Variants in CSMD3 observed in about 807,000 individuals in gnomAD.
CSMD3 encodes the protein CUB and Sushi multiple domains 3.
CSMD3 carries 177 observed loss-of-function variants against 435.2 expected under a neutral mutation model. The ratio of observed to expected loss-of-function variants is 0.41; its 90% CI spans 0.36 to 0.46. CSMD3 has a LOEUF of 0.46. Ranked by LOEUF, CSMD3 falls within the 20% of genes least tolerant of loss-of-function variation. The probability of loss-of-function intolerance (pLI) is 0.34; values close to 1 mark genes in which losing one functional copy is unlikely to be tolerated. For missense variants in CSMD3, 4,265 were observed against 4,504.6 expected, an observed-to-expected ratio of 0.95 and a Z score of 1.52; for synonymous variants, 1,656 against 1,520.5, an observed-to-expected ratio of 1.09 and a Z score of -2.07.
intron 9 of CSMD3, among the ~76,000 whole-genome samples, chr8:112,925,395 A>G (rs760630047): frequency 6.6e-6 from 1 of 151,832 alleles, no homozygotes; most frequent in Non-Finnish European, 1.5e-5. Flanking sequence ...CGTCTCTACT[A>G]AAAATAAAAA....
intron 5 of CSMD3, among the ~76,000 whole-genome samples, chr8:113,030,440 A>AT (rs1425204900): frequency 4.4e-4 from 66 of 149,518 alleles, no homozygotes; most frequent in African/African-American, 1.6e-3. Context: ...AAAAAAAAAA[A>AT]AAAAAGATAA....
chr8:112,378,269 G>GA (rs1280601732), intron 38 of CSMD3, among the ~76,000 whole-genome samples: 279 of 142,162 alleles, frequency 2.0e-3, no homozygotes, highest in Admixed American at 3.8e-3. Context: ...TTAAAAAAAA[G>GA]AAAAAAAAAA....
intron 6 of CSMD3, among the ~76,000 whole-genome samples, chr8:113,016,966 A>G (rs2086482577): frequency 6.6e-6 from 1 of 151,964 alleles, no homozygotes; most frequent in East Asian, 1.9e-4. Context: ...GCAATCAGAA[A>G]AAGCAAGCCT....
intron 24 of CSMD3, among the ~76,000 whole-genome samples, chr8:112,571,861 C>A (rs1233630456): frequency 2.1e-5 from 3 of 145,900 alleles, no homozygotes; most frequent in Non-Finnish European, 4.5e-5. Flanking sequence ...AAGACTGAAA[C>A]TCTGTCTCAA....
intron 7 of CSMD3, among the ~76,000 whole-genome samples, chr8:112,975,039 T>C (rs556798592): frequency 7.6e-4 from 115 of 152,032 alleles, no homozygotes; most frequent in African/African-American, 2.6e-3. Context: ...TATTTTATAC[T>C]ACATTGAATT....
intron 22 of CSMD3, among the ~76,000 whole-genome samples, chr8:112,625,219 G>A (rs1304972200): frequency 6.6e-6 from 1 of 151,996 alleles, no homozygotes; most frequent in East Asian, 1.9e-4. Flanking sequence ...TTTCTAAATT[G>A]AAAACTGGTA....
At chr8:112,738,298 C>G (rs1427926948) in intron 13 of CSMD3, among the ~76,000 whole-genome samples, 1 of 151,626 alleles carries the variant, frequency 6.6e-6, no homozygotes, top group Non-Finnish European at 1.5e-5. Flanking sequence ...GGTGGAATGT[C>G]AAAGACGCAG....
chr8:112,795,319 G>GA (rs563104855), intron 13 of CSMD3, among the ~76,000 whole-genome samples: 35 of 150,482 alleles, frequency 2.3e-4, no homozygotes, highest in African/African-American at 4.1e-4. Context: ...CCCAGTACTG[G>GA]AAAAAAAAAC....
chr8:112,392,112 A>G (rs1038099741), intron 35 of CSMD3, among the ~76,000 whole-genome samples: 1 of 152,194 alleles, frequency 6.6e-6, no homozygotes, highest in Non-Finnish European at 1.5e-5. Flanking sequence ...GAAAACAGTT[A>G]GAAATCAATA....
intron 30 of CSMD3, among the ~76,000 whole-genome samples, chr8:112,501,135 A>G (rs1479589703): frequency 1.3e-5 from 2 of 151,492 alleles, no homozygotes; most frequent in Non-Finnish European, 2.9e-5. Context: ...CTCTGCCCCT[A>G]AACTCACTCT....
At chr8:112,668,832 A>G (rs1244542154) in intron 16 of CSMD3, among the ~76,000 whole-genome samples, 3 of 151,986 alleles carry the variant, frequency 2.0e-5, no homozygotes, top group African/African-American at 7.2e-5. Flanking sequence ...ACTCTCGGGC[A>G]CATGAGAGGA....
In CSMD3 at chr8:112,263,667, G is replaced by A; in HGVS notation, c.9834C>T (p.Thr3278=). Residue 3278 remains threonine (T), a synonymous_variant, in exon 61 of 71, where the codon ACC becomes ACT. Transcript: ENST00000297405. ...PAVLTCVGNG[T]WSGEVPQCLP... is the part of the protein sequence containing the mutation. ...AGCACTGCGGTACTTCACCACTCCA[G>A]GTACCATTCCCTACACAGGTCAAAA... 2 of 1,613,468 alleles carry A rather than the reference G, an allele frequency of 1.2e-6. No homozygotes were observed. Among genetic ancestry groups the A allele is most frequent in the Non-Finnish European group, 1.7e-6 (2 of 1,179,680 alleles).
At chr8:112,864,788 C>A (rs2080929265) in intron 10 of CSMD3, among the ~76,000 whole-genome samples, 1 of 152,122 alleles carries the variant, frequency 6.6e-6, no homozygotes, top group South Asian at 2.1e-4. Context: ...AAAATGCTAA[C>A]ATCCTGATTT....
chr8:113,274,988 A>C (rs1002866805), intron 3 of CSMD3, among the ~76,000 whole-genome samples: 55 of 152,170 alleles, frequency 3.6e-4, no homozygotes, highest in Admixed American at 3.4e-3. Flanking sequence ...TTAAAAAAGC[A>C]TATTAACTCC....
At chr8:112,302,814 C>G (rs1307696167) in intron 52 of CSMD3, among the ~76,000 whole-genome samples, 2 of 150,780 alleles carry the variant, frequency 1.3e-5, no homozygotes, top group Admixed American at 6.6e-5. Context: ...GCTCATCCCC[C>G]CAAAAAAAAT....
At chr8:113,300,353 T>TA (rs1452510120) in intron 2 of CSMD3, among the ~76,000 whole-genome samples, 4 of 152,026 alleles carry the variant, frequency 2.6e-5, no homozygotes, top group East Asian at 1.9e-4. Flanking sequence ...GAAAATTCTA[T>TA]AAAAAATCAT....
chr8:112,736,430 C>A (rs1415293312), intron 13 of CSMD3, among the ~76,000 whole-genome samples: 1 of 152,020 alleles, frequency 6.6e-6, no homozygotes, highest in Non-Finnish European at 1.5e-5. Flanking sequence ...TGGTTGCATG[C>A]AGCTGCTCAC....
intron 32 of CSMD3, among the ~76,000 whole-genome samples, chr8:112,455,210 CAAAT>C (rs1816706965): frequency 6.6e-6 from 1 of 151,884 alleles, no homozygotes; most frequent in African/African-American, 2.4e-5. Context: ...AATGGTGGAC[CAAAT>C]AAAGAAAATG....
chr8:113,113,711 C>T (rs977811369), intron 4 of CSMD3, among the ~76,000 whole-genome samples: 3 of 152,158 alleles, frequency 2.0e-5, no homozygotes, highest in Non-Finnish European at 4.4e-5. Context: ...AATAAATTTT[C>T]CTTTTTACTT....
Sources: gnomAD v4.1 joint callset for allele counts (sites outside exome capture counted in the v4.1 genomes callset) on GRCh38, gnomAD v4.1.1 for gene constraint, MANE v1.5 for transcripts, NCBI Gene and HGNC (gene_info 2026-07-23, HGNC 2026-07-21) for gene names.